Variants in KCTD9 observed in about 807,000 individuals in gnomAD.
The protein encoded by KCTD9 is potassium channel tetramerization domain containing 9.
A neutral mutation model predicts 53.3 loss-of-function variants in KCTD9; 17 were observed. The observed-to-expected ratio is 0.32, with a 90% CI of 0.22 to 0.48. The LOEUF is 0.48. Ranked by LOEUF, KCTD9 falls within the 20% of genes least tolerant of loss-of-function variation. The pLI is 0.99. For missense variants in KCTD9, 179 were observed against 465.5 expected (o/e 0.38, Z 5.66); for synonymous variants, 128 against 162.7 (o/e 0.79, Z 1.62).
chr8:25,427,962 T>C lies in KCTD9; in HGVS notation c.*1895A>G, dbSNP rs945686362. 1.3e-5 allele frequency: 2 copies of C among 152,186 alleles called. No homozygotes were observed. The highest frequency in any genetic ancestry group is 1.5e-5 in the Non-Finnish European group (1 of 68,022). The allele number at this position is 152,186 out of a possible 1,614,324, so 9.4% of individuals were successfully genotyped here. On this transcript the variant is annotated 3_prime_UTR_variant, in exon 12 of 12. Coordinates refer to ENST00000221200, the MANE Select transcript of KCTD9 (RefSeq NM_017634.4). ...CCACAGGGCTGGTTGTCAACACATA[T>C]TGAAGAAATGTAAGCAAAATACAGA...
At position 25,455,018 on chromosome 8, in the gene KCTD9, G is replaced by C. The variant is rs563339784; in HGVS notation, c.48+3181C>G. ...AGGCAGGTGGATCACATGAGGTCAA[G>C]AGTTCAGGATCAGCCTGGCCAACAT... is the stretch of plus-strand genomic sequence containing the variant. On this transcript the variant is annotated intron_variant, in intron 1 of 11. Transcript: ENST00000221200. Among the ~76,000 whole-genome samples, 9 of 152,266 alleles carry C rather than the reference G, an allele frequency of 5.9e-5. No individual in the cohort carries two copies. In the East Asian group the frequency reaches 1.7e-3, roughly 29 times the overall value.
At chr8:25,438,065 G>C (rs1343798964) in intron 6 of KCTD9, among the ~76,000 whole-genome samples, 1 of 151,956 alleles carries the variant, frequency 6.6e-6, no homozygotes, top group Non-Finnish European at 1.5e-5. Context: ...TCTGCTTTTT[G>C]AACACTTGAA....
chr8:25,451,195 ACT>A (rs1259586835), intron 1 of KCTD9, among the ~76,000 whole-genome samples: 3 of 152,154 alleles, frequency 2.0e-5, no homozygotes, highest in South Asian at 2.1e-4. Context: ...ATATGCAAAA[ACT>A]CTGTATTTTA....
intron 3 of KCTD9, among the ~76,000 whole-genome samples, chr8:25,442,936 G>A (rs1468309990): frequency 1.3e-5 from 2 of 152,116 alleles, no homozygotes; most frequent in East Asian, 3.8e-4. Context: ...CCATGTCCCT[G>A]AAAGTCAGGA....
intron 9 of KCTD9, 26 bp downstream of exon 9, chr8:25,435,337 C>A (rs773104197): frequency 1.6e-5 from 24 of 1,510,602 alleles, no homozygotes; most frequent in Middle Eastern, 4.8e-4. Flanking sequence ...ATTTAATTTT[C>A]TCTTGTAGCC....
chr8:25,455,940 C>T (rs13277090), intron 1 of KCTD9, among the ~76,000 whole-genome samples: 82,645 of 152,092 alleles, frequency 0.54, 24,133 homozygotes, highest in Middle Eastern at 0.65. Flanking sequence ...TCCAATAAAT[C>T]GTCTTGGACA....
chr8:25,448,104 G>A (rs972646443), intron 1 of KCTD9, among the ~76,000 whole-genome samples: 7 of 151,900 alleles, frequency 4.6e-5, no homozygotes, highest in African/African-American at 1.7e-4. Context: ...CTCCAGCCTG[G>A]ACATGATGGG....
chr8:25,449,574 T>C (rs1802280197), intron 1 of KCTD9, among the ~76,000 whole-genome samples: 1 of 152,202 alleles, frequency 6.6e-6, no homozygotes, highest in African/African-American at 2.4e-5. Flanking sequence ...TGTGGGTCTA[T>C]TGTCTTCCGA....
At chr8:25,437,416 T>G (rs527294524) in intron 6 of KCTD9, among the ~76,000 whole-genome samples, 13 of 152,234 alleles carry the variant, frequency 8.5e-5, no homozygotes, top group African/African-American at 3.1e-4. Context: ...GGCTCACACC[T>G]GTAATCCCAG....
At chr8:25,444,236 A>G in intron 3 of KCTD9, 56 bp downstream of exon 3, 1 of 1,136,810 alleles carries the variant, frequency 8.8e-7, no homozygotes, top group Non-Finnish European at 1.3e-6. Flanking sequence ...AATAATTGTC[A>G]TTCCATCTTT....
At chr8:25,438,721 AC>A (rs1451478101) in intron 6 of KCTD9, among the ~76,000 whole-genome samples, 5 of 152,242 alleles carry the variant, frequency 3.3e-5, no homozygotes, top group African/African-American at 9.6e-5. Flanking sequence ...GTGAATCTTC[AC>A]AAAAATCTTG....
chr8:25,437,847 C>CAAAAAAAAAAAAAAAAAAAAAAAAAA (rs59540797), intron 6 of KCTD9, among the ~76,000 whole-genome samples: 1 of 62,544 alleles, frequency 1.6e-5, no homozygotes, highest in African/African-American at 7.1e-5. Context: ...GACCCTGTCT[C>CAAAAAAAAAAAAAAAAAAAAAAAAAA]AAAAAAAAAA....
chr8:25,446,045 G>C, intron 2 of KCTD9, 84 bp downstream of exon 2: 2 of 1,524,200 alleles, frequency 1.3e-6, no homozygotes, highest in African/African-American at 1.4e-5. Context: ...TCTTAACAGT[G>C]ATTAAATTAC....
chr8:25,443,102 A>G (rs542984361), intron 3 of KCTD9, among the ~76,000 whole-genome samples: 1 of 152,274 alleles, frequency 6.6e-6, no homozygotes, highest in East Asian at 1.9e-4. Context: ...TTTATATCCT[A>G]TAACATACAT....
At chr8:25,456,740 C>T (rs1038052698) in intron 1 of KCTD9, among the ~76,000 whole-genome samples, 5 of 151,892 alleles carry the variant, frequency 3.3e-5, no homozygotes, top group Non-Finnish European at 5.9e-5. Flanking sequence ...AAGACCAACT[C>T]AGTTAATTTT....
chr8:25,443,957 G>A (rs1468879294), intron 3 of KCTD9, among the ~76,000 whole-genome samples: 5 of 151,978 alleles, frequency 3.3e-5, no homozygotes, highest in South Asian at 2.1e-4. Context: ...AATACAACAC[G>A]TAGAAAAATT....
intron 1 of KCTD9, among the ~76,000 whole-genome samples, chr8:25,446,884 A>G (rs944736292): frequency 5.3e-5 from 8 of 152,190 alleles, no homozygotes; most frequent in Non-Finnish European, 1.0e-4. Context: ...TTAAGAACAG[A>G]GCAAACAGCT....
intron 1 of KCTD9, among the ~76,000 whole-genome samples, chr8:25,447,495 C>A (rs1241294856): frequency 1.3e-5 from 2 of 152,146 alleles, no homozygotes; most frequent in Admixed American, 6.5e-5. Context: ...ATGAAGTGAG[C>A]ACTAAGGCTG....
At chr8:25,435,210 C>T (rs1485102168) in intron 9 of KCTD9, among the ~76,000 whole-genome samples, 153 bp downstream of exon 9, 1 of 152,172 alleles carries the variant, frequency 6.6e-6, no homozygotes, top group Non-Finnish European at 1.5e-5. Flanking sequence ...ATTTCACTTT[C>T]AGACCTTTAG....
Sources: allele counts gnomAD v4.1 joint callset (sites outside exome capture counted in the v4.1 genomes callset), GRCh38; gene constraint gnomAD v4.1.1; transcripts MANE v1.5; gene names NCBI Gene and HGNC (gene_info 2026-07-23, HGNC 2026-07-21).